The following ADARB1 variants were observed in gnomAD, a reference collection of about 807,000 sequenced individuals.
ADARB1 encodes the protein double-stranded RNA-specific editase 1.
In ADARB1, 10 loss-of-function variants were observed where a neutral mutation model predicts 52.4. That is an observed-to-expected ratio of 0.19 (90% CI 0.12 to 0.32). ADARB1 has a LOEUF of 0.32. Among genes scored for constraint, ADARB1 ranks in the 10% least tolerant of loss-of-function variants. The probability of loss-of-function intolerance (pLI) is 1.00; values close to 1 mark genes in which losing one functional copy is unlikely to be tolerated. For synonymous variants in ADARB1, 349 were observed against 371.1 expected (o/e 0.94, Z 0.68); for missense variants, 643 against 922.3 (o/e 0.70, Z 3.92).
At position 45,208,034 on chromosome 21, in the gene ADARB1, CT is replaced by C. The variant is rs1324548310; in HGVS notation, c.1747+3300del. 6.6e-6 allele frequency among the ~76,000 whole-genome samples: 1 copy of C among 152,206 alleles called. No individual in the cohort carries two copies. The highest frequency in any genetic ancestry group is 2.4e-5 in the African/African-American group (1 of 41,444). On this transcript the variant is annotated intron_variant, in intron 9 of 10. Transcript: ENST00000348831. The surrounding 1 kb of genome is among the most constrained non-coding windows in gnomAD (Gnocchi z 5.6). ...TTTGTGGGTATACACACTTGGTACC[CT>C]TGCTTAGCACTGTGGAAGAGGAAGT... is the stretch of plus-strand genomic sequence containing the variant.
intron 1 of ADARB1, among the ~76,000 whole-genome samples, chr21:45,098,298 G>C (rs1318464758): frequency 6.6e-6 from 1 of 152,168 alleles, no homozygotes; most frequent in African/African-American, 2.4e-5. Context: ...ACTCTCCCAG[G>C]TCTGCTGCAG....
intron 1 of ADARB1, among the ~76,000 whole-genome samples, 167 bp downstream of exon 1, chr21:45,074,960 C>A (rs1201224575): frequency 6.6e-6 from 1 of 150,838 alleles, no homozygotes; most frequent in Non-Finnish European, 1.5e-5. Flanking sequence ...GCGGCACCGC[C>A]TCGCACCCAC....
At chr21:45,187,017 C>T (rs2092131464) in intron 8 of ADARB1, among the ~76,000 whole-genome samples, 1 of 152,114 alleles carries the variant, frequency 6.6e-6, no homozygotes, top group African/African-American at 2.4e-5. Flanking sequence ...TCCAGGGTCT[C>T]CTGATATTTC....
In ADARB1 at chr21:45,160,563, A is replaced by C. The variant is rs959690751; in HGVS notation, c.-47-11047A>C. Among the ~76,000 whole-genome samples, 65 of 152,230 alleles carry C rather than the reference A, an allele frequency of 4.3e-4. 1 individual carries two copies. The highest frequency in any genetic ancestry group is 2.9e-5 in the Non-Finnish European group (2 of 68,036). Reference sequence around the variant, plus strand: ...TCCAGTTGCTTACTTCTGTTTAGTTATCTCAGTGCTAAATATTGTTAATTA... The same window carrying C: ...TCCAGTTGCTTACTTCTGTTTAGTTCTCTCAGTGCTAAATATTGTTAATTA... On this transcript the variant is annotated intron_variant, in intron 2 of 10. Transcript: ENST00000348831.
chr21:45,078,401 A>G (rs369026174), intron 1 of ADARB1, among the ~76,000 whole-genome samples: 1 of 152,206 alleles, frequency 6.6e-6, no homozygotes, highest in African/African-American at 2.4e-5. Context: ...CCTGCCCTCA[A>G]GCGGTTCATT....
At chr21:45,152,432 T>G (rs1290119182) in intron 2 of ADARB1, among the ~76,000 whole-genome samples, 1 of 152,216 alleles carries the variant, frequency 6.6e-6, no homozygotes, top group African/African-American at 2.4e-5. Flanking sequence ...TCAGCCTAGT[T>G]CTGCCTAACT....
In ADARB1 at chr21:45,185,099, G is replaced by A. The variant is rs375976368; in HGVS notation, c.1565+8G>A. 1.9e-6 allele frequency: 3 copies of A among 1,612,666 alleles called. No homozygotes were observed. Among genetic ancestry groups the A allele is most frequent in the African/African-American group, 2.7e-5 (2 of 75,034 alleles). On this transcript the variant is annotated splice_region_variant and intron_variant, in intron 8 of 10. Transcript: ENST00000348831. ...CAGTGACAAGATTGCACGGTAAGGGGCGGGGGCTCCCTGTGGCCACCTCCC... is the reference window on the plus strand; with the variant it reads ...CAGTGACAAGATTGCACGGTAAGGGACGGGGGCTCCCTGTGGCCACCTCCC...
chr21:45,105,453 T>C (rs902083594), intron 1 of ADARB1, among the ~76,000 whole-genome samples: 1 of 152,180 alleles, frequency 6.6e-6, no homozygotes, highest in South Asian at 2.1e-4. Context: ...TAGAGAAGCA[T>C]TGGTTTCATT....
At chr21:45,198,398 CTG>C (rs2092471689) in intron 8 of ADARB1, among the ~76,000 whole-genome samples, 1 of 152,000 alleles carries the variant, frequency 6.6e-6, no homozygotes, top group African/African-American at 2.4e-5. Flanking sequence ...GGTTTTAAAA[CTG>C]AGACAAAATA....
chr21:45,164,836 G>A (rs1316901880), intron 2 of ADARB1, among the ~76,000 whole-genome samples: 3 of 152,198 alleles, frequency 2.0e-5, no homozygotes, highest in Non-Finnish European at 2.9e-5. Flanking sequence ...GAAGCAGACA[G>A]GCTGATGTGT....
At chr21:45,198,491 AT>A (rs2092473959) in intron 8 of ADARB1, among the ~76,000 whole-genome samples, 1 of 6,232 alleles carries the variant, frequency 1.6e-4, no homozygotes, top group Non-Finnish European at 5.8e-4. Flanking sequence ...TGCCTATTAA[AT>A]TAAATCACAC....
intron 2 of ADARB1, among the ~76,000 whole-genome samples, chr21:45,148,492 G>A (rs767405566): frequency 2.6e-4 from 40 of 152,194 alleles, no homozygotes; most frequent in South Asian, 8.3e-4. Flanking sequence ...CTGTAATGTC[G>A]TAAAGTATGT....
At chr21:45,146,880 T>C (rs2090035328) in intron 2 of ADARB1, among the ~76,000 whole-genome samples, 1 of 152,336 alleles carries the variant, frequency 6.6e-6, no homozygotes, top group African/African-American at 2.4e-5. Flanking sequence ...TTAAGTGCTT[T>C]CTTCTGGGTA....
At chr21:45,138,185 C>G (rs187285503) in intron 2 of ADARB1, among the ~76,000 whole-genome samples, 1 of 152,318 alleles carries the variant, frequency 6.6e-6, no homozygotes, top group Non-Finnish European at 1.5e-5. Flanking sequence ...GCATCCTGCA[C>G]TTGCTATTGT....
At chr21:45,213,485 C>A (rs1027258904) in intron 9 of ADARB1, among the ~76,000 whole-genome samples, 2 of 152,076 alleles carry the variant, frequency 1.3e-5, no homozygotes, top group African/African-American at 4.8e-5. Context: ...CAACCATCAC[C>A]ACAATAAAGA....
chr21:45,158,246 G>T (rs968732385), intron 2 of ADARB1, among the ~76,000 whole-genome samples: 3 of 152,064 alleles, frequency 2.0e-5, no homozygotes, highest in Non-Finnish European at 2.9e-5. Context: ...GTTGGGGCGG[G>T]AGGGGGGAAC....
At position 45,093,467 on chromosome 21, in the gene ADARB1, C is replaced by T. The variant is rs561197052; in HGVS notation, c.-220+18674C>T. Among the ~76,000 whole-genome samples the T allele has an allele frequency of 7.4e-4, 113 of 152,344 alleles. 1 individual carries two copies. The South Asian group carries it at 0.022, about 30-fold the overall frequency. Reference sequence around the variant, plus strand: ...AGAGGACCCGGCTTTCTGTGGGTGCCGAGCCCTCTGGGCCACACAGCTGCT... The same window carrying T: ...AGAGGACCCGGCTTTCTGTGGGTGCTGAGCCCTCTGGGCCACACAGCTGCT... On this transcript the variant is annotated intron_variant, in intron 1 of 10. Coordinates refer to ENST00000348831, the MANE Select transcript of ADARB1 (RefSeq NM_001112.4).
intron 8 of ADARB1, among the ~76,000 whole-genome samples, chr21:45,188,608 GA>G: frequency 8.9e-6 from 1 of 112,636 alleles, no homozygotes. Context: ...GTACATAGTT[GA>G]ATTGTTTTTT....
At chr21:45,135,004 C>G (rs1356951473) in intron 2 of ADARB1, among the ~76,000 whole-genome samples, 1 of 152,104 alleles carries the variant, frequency 6.6e-6, no homozygotes, top group African/African-American at 2.4e-5. Context: ...ATTCTGGGAC[C>G]TGAAAGCTAA....
Sources: gnomAD v4.1 joint callset for allele counts (sites outside exome capture counted in the v4.1 genomes callset) on GRCh38, gnomAD v4.1.1 for gene constraint, Gnocchi (gnomAD v3.1) non-coding constraint, MANE v1.5 for transcripts, NCBI Gene and HGNC (gene_info 2026-07-23, HGNC 2026-07-21) for gene names.